Variants in BEND7 observed in about 807,000 individuals in gnomAD.
BEND7 encodes BEN domain-containing protein 7.
Under a neutral mutation model 50.9 loss-of-function variants are expected in BEND7, and 28 were observed. That is an observed-to-expected ratio of 0.55 (90% confidence interval 0.41 to 0.75). The LOEUF (loss-of-function observed/expected upper bound fraction) is 0.75. Ranked by LOEUF, BEND7 falls within the 30% of genes least tolerant of loss-of-function variation. The pLI is 0.00. For synonymous variants in BEND7, 170 were observed against 183.9 expected (o/e 0.92, Z 0.61); for missense variants, 477 against 491.3 (o/e 0.97, Z 0.28).
chr10:13,516,652 G>A (rs1479830715), intron 2 of BEND7, among the ~76,000 whole-genome samples: 1 of 152,148 alleles, frequency 6.6e-6, no homozygotes, highest in Non-Finnish European at 1.5e-5. Context: ...CTTGAACCTG[G>A]CGGTGAAGGA....
intron 4 of BEND7, among the ~76,000 whole-genome samples, chr10:13,493,534 T>C (rs2076823292): frequency 6.6e-6 from 1 of 152,252 alleles, no homozygotes; most frequent in African/African-American, 2.4e-5. Flanking sequence ...CAGACCAGGC[T>C]ACTTCTCTAG....
chr10:13,480,494 G>C, intron 6 of BEND7: 1 of 482,630 alleles, frequency 2.1e-6, no homozygotes, highest in Non-Finnish European at 2.7e-6. Flanking sequence ...CTAAACTTCA[G>C]AGAGAACCAT....
chr10:13,513,087 C>T (rs1000223578), intron 2 of BEND7, among the ~76,000 whole-genome samples: 2 of 152,206 alleles, frequency 1.3e-5, no homozygotes, highest in African/African-American at 4.8e-5. Flanking sequence ...TTCCTGCATG[C>T]AGTGTACTTT....
downstream of BEND7, among the ~76,000 whole-genome samples, chr10:13,440,918 C>CT (rs774530148): frequency 2.0e-5 from 3 of 152,186 alleles, no homozygotes; most frequent in Non-Finnish European, 4.4e-5. Flanking sequence ...GCCTTTCACT[C>CT]TGGCAGCAAT....
At chr10:13,463,040 A>G (rs1303406466) in intron 6 of BEND7, among the ~76,000 whole-genome samples, 2 of 152,208 alleles carry the variant, frequency 1.3e-5, no homozygotes, top group Non-Finnish European at 2.9e-5. Flanking sequence ...TAAACTCCAC[A>G]TCATTCCTTT....
At chr10:13,524,256 T>C (rs2079277929) in intron 2 of BEND7, among the ~76,000 whole-genome samples, 2 of 152,252 alleles carry the variant, frequency 1.3e-5, no homozygotes, top group African/African-American at 4.8e-5. Context: ...AAGGACATGA[T>C]GTTCCCTTTG....
intron 2 of BEND7, among the ~76,000 whole-genome samples, chr10:13,506,087 T>C (rs2077860973): frequency 6.6e-6 from 1 of 152,156 alleles, no homozygotes; most frequent in Non-Finnish European, 1.5e-5. Context: ...ATCTCTTACC[T>C]GAATCCTTTT....
chr10:13,511,717 C>T (rs1375685734), intron 2 of BEND7, among the ~76,000 whole-genome samples: 1 of 151,526 alleles, frequency 6.6e-6, no homozygotes, highest in Non-Finnish European at 1.5e-5. Flanking sequence ...ACTTACAGAG[C>T]ACTTAGTATG....
At chr10:13,451,124 A>C (rs1388691488) in intron 7 of BEND7, among the ~76,000 whole-genome samples, 1 of 151,994 alleles carries the variant, frequency 6.6e-6, no homozygotes, top group Non-Finnish European at 1.5e-5. Context: ...TTACTCAGAC[A>C]CATGATCCAC....
intron 6 of BEND7, among the ~76,000 whole-genome samples, chr10:13,479,706 T>C (rs188166505): frequency 6.6e-6 from 1 of 152,362 alleles, no homozygotes; most frequent in Admixed American, 6.5e-5. Context: ...TGGCACAGTT[T>C]GTGATATCTC....
At chr10:13,472,418 TG>T (rs1310729383) in intron 6 of BEND7, among the ~76,000 whole-genome samples, 2 of 152,050 alleles carry the variant, frequency 1.3e-5, no homozygotes, top group African/African-American at 4.8e-5. Flanking sequence ...CTGTCATCAC[TG>T]TTAAACTCGG....
intron 2 of BEND7, among the ~76,000 whole-genome samples, chr10:13,524,029 G>C (rs1366845740): frequency 1.3e-5 from 2 of 152,204 alleles, no homozygotes; most frequent in Admixed American, 6.5e-5. Context: ...TGGAATTCTT[G>C]CATCTTCCTC....
intron 6 of BEND7, among the ~76,000 whole-genome samples, chr10:13,478,413 T>C (rs1229379869): frequency 6.6e-6 from 1 of 152,222 alleles, no homozygotes; most frequent in African/African-American, 2.4e-5. Flanking sequence ...TCCTGAGCTC[T>C]TTCAAGAGCA....
upstream of BEND7, among the ~76,000 whole-genome samples, chr10:13,529,268 C>T (rs1224049302): frequency 6.6e-6 from 1 of 150,666 alleles, no homozygotes; most frequent in Non-Finnish European, 1.5e-5. Context: ...CTCGCAGACC[C>T]CGCTCGCTGG....
upstream of BEND7, among the ~76,000 whole-genome samples, chr10:13,529,330 G>C (rs1345721019): frequency 6.6e-6 from 1 of 151,784 alleles, no homozygotes; most frequent in Non-Finnish European, 1.5e-5. Flanking sequence ...CTCGCCGTGG[G>C]GGCGCGGACC....
chr10:13,517,153 C>T (rs188558804), intron 2 of BEND7, among the ~76,000 whole-genome samples: 69 of 151,816 alleles, frequency 4.5e-4, no homozygotes, highest in Non-Finnish European at 7.2e-4. Context: ...CAACTCCCAC[C>T]CACTGGGCTC....
chr10:13,525,372 C>T (rs1434314547), intron 2 of BEND7, among the ~76,000 whole-genome samples: 1 of 152,228 alleles, frequency 6.6e-6, no homozygotes, highest in African/African-American at 2.4e-5. Flanking sequence ...ATGTTTGTGG[C>T]TACCTACCCA....
chr10:13,469,997 T>C (rs1030550065), intron 6 of BEND7, among the ~76,000 whole-genome samples: 7 of 152,050 alleles, frequency 4.6e-5, no homozygotes, highest in Non-Finnish European at 8.8e-5. Context: ...GGCATCAAAA[T>C]TGTAGATCCA....
intron 6 of BEND7, among the ~76,000 whole-genome samples, chr10:13,468,653 A>G (rs1220411684): frequency 1.3e-5 from 2 of 152,190 alleles, no homozygotes; most frequent in Non-Finnish European, 2.9e-5. Context: ...TTTTTGCAGA[A>G]TTTCAAGGAC....
Sources: gnomAD v4.1 joint callset for allele counts (sites outside exome capture counted in the v4.1 genomes callset) on GRCh38, gnomAD v4.1.1 for gene constraint, MANE v1.5 for transcripts, NCBI Gene and HGNC (gene_info 2026-07-23, HGNC 2026-07-21) for gene names.